Variants in PCDH11Y observed in about 807,000 individuals in gnomAD.
The protein encoded by PCDH11Y is protocadherin 11 Y-linked.
For synonymous variants in PCDH11Y, 9 were observed against 83.6 expected (o/e 0.11, Z 4.87); for missense variants, 12 against 224.8 (o/e 0.05, Z 6.05).
intron 2 of PCDH11Y, among the ~76,000 whole-genome samples, chrY:5,379,481 A>C: frequency 3.3e-5 from 1 of 30,056 alleles, no homozygotes; most frequent in African/African-American, 1.3e-4. Context: ...GAGGACAGGC[A>C]CTCCTGCTTT....
chrY:5,053,505 G>T, upstream of PCDH11Y, among the ~76,000 whole-genome samples: 2 of 30,110 alleles, frequency 6.6e-5, no homozygotes, highest in Non-Finnish European at 1.6e-4. Flanking sequence ...AAGACAGTGT[G>T]GCAATTCCTC....
At chrY:5,695,894 T>G in intron 4 of PCDH11Y, among the ~76,000 whole-genome samples, 2 of 32,412 alleles carry the variant, frequency 6.2e-5, no homozygotes, top group Admixed American at 5.8e-4. Context: ...ATTTAGTTTT[T>G]TACTTAGGAA....
chrY:5,600,998 T>A, intron 4 of PCDH11Y, among the ~76,000 whole-genome samples: 12 of 33,316 alleles, frequency 3.6e-4, no homozygotes, highest in Non-Finnish European at 8.2e-4. Flanking sequence ...GTGATTGAAT[T>A]GGCTTCCAAT....
At chrY:5,413,332 CCTTAT>C (rs2053249534) in intron 2 of PCDH11Y, among the ~76,000 whole-genome samples, 1 of 33,580 alleles carries the variant, frequency 3.0e-5, no homozygotes. Context: ...GGGTGATTAC[CCTTAT>C]CTTGTCTCCT....
intron 2 of PCDH11Y, among the ~76,000 whole-genome samples, chrY:5,385,847 T>C: frequency 3.0e-5 from 1 of 33,536 alleles, no homozygotes; most frequent in Non-Finnish European, 7.4e-5. Flanking sequence ...GCCCACTTTT[T>C]GCTGGGATTT....
intron 3 of PCDH11Y, among the ~76,000 whole-genome samples, chrY:5,566,823 C>T: frequency 9.2e-5 from 3 of 32,468 alleles, no homozygotes; most frequent in Non-Finnish European, 1.5e-4. Context: ...AAATTTCATC[C>T]GAATTAATAT....
chrY:5,377,898 C>T, intron 2 of PCDH11Y, among the ~76,000 whole-genome samples: 1 of 30,701 alleles, frequency 3.3e-5, no homozygotes, highest in Middle Eastern at 0.014. Context: ...TTACAGGCAC[C>T]TGGCTAATTT....
intron 2 of PCDH11Y, among the ~76,000 whole-genome samples, chrY:5,406,508 C>T: frequency 3.1e-5 from 1 of 32,012 alleles, no homozygotes. Flanking sequence ...AAGTCTGCTG[C>T]AGAAAAAAAA....
intron 2 of PCDH11Y, among the ~76,000 whole-genome samples, chrY:5,376,154 T>G: frequency 3.2e-5 from 1 of 31,456 alleles, no homozygotes; most frequent in African/African-American, 1.2e-4. Context: ...TATTTTTATT[T>G]TATTTATCTA....
intron 3 of PCDH11Y, among the ~76,000 whole-genome samples, chrY:5,512,505 T>G (rs1602936348): frequency 9.8e-5 from 3 of 30,667 alleles, no homozygotes; most frequent in African/African-American, 3.9e-4. Context: ...TATAAGATAA[T>G]CATATTCTCA....
chrY:5,294,108 A>C (rs2053070541), intron 2 of PCDH11Y, among the ~76,000 whole-genome samples: 1 of 29,013 alleles, frequency 3.4e-5, no homozygotes, highest in Non-Finnish European at 8.3e-5. Flanking sequence ...TTTGTTATTT[A>C]TTTTCAATTA....
rs201086555 is a variant in PCDH11Y, at chrY:5,575,623, A to G, written c.3329-6152A>G. Among the ~76,000 whole-genome samples, 48 of 33,728 alleles carry G rather than the reference A, an allele frequency of 1.4e-3. No individual in the cohort carries two copies. In the East Asian group the frequency reaches 0.037, roughly 26 times the overall value. 90.5% of individuals were successfully genotyped at this position (33,728 alleles called of 37,273 possible). A position where few individuals can be genotyped will look rare whatever the true frequency, so the allele number is the denominator to read the frequency against. Reference sequence around the variant, plus strand: ...CAATTATATTCTCTCTCTAGATATGATTGAGTTTTATCCCTGTTTTATTTC... The same window carrying G: ...CAATTATATTCTCTCTCTAGATATGGTTGAGTTTTATCCCTGTTTTATTTC... On this transcript the variant is annotated intron_variant, in intron 3 of 4. Transcript: ENST00000400457.
At chrY:5,447,198 G>A (rs2053288504) in intron 2 of PCDH11Y, among the ~76,000 whole-genome samples, 1 of 31,423 alleles carries the variant, frequency 3.2e-5, no homozygotes, top group Admixed American at 3.0e-4. Context: ...TACATGGGAG[G>A]CAACAGAAGG....
intron 2 of PCDH11Y, among the ~76,000 whole-genome samples, chrY:5,213,979 G>A: frequency 6.3e-5 from 2 of 31,987 alleles, no homozygotes; most frequent in African/African-American, 1.2e-4. Context: ...AATTTGCCAG[G>A]TGTGTTGGTG....
chrY:5,266,904 T>C, intron 2 of PCDH11Y, among the ~76,000 whole-genome samples: 1 of 33,228 alleles, frequency 3.0e-5, no homozygotes, highest in African/African-American at 1.2e-4. Context: ...CATGCATAAA[T>C]GTTAATAGAA....
intron 3 of PCDH11Y, among the ~76,000 whole-genome samples, chrY:5,521,751 G>A (rs2124690337): frequency 3.1e-5 from 1 of 32,216 alleles, no homozygotes; most frequent in Admixed American, 2.9e-4. Context: ...CATGTAGAAG[G>A]GGGAAGAAAC....
At chrY:5,400,455 C>A (rs2053231822) in intron 2 of PCDH11Y, among the ~76,000 whole-genome samples, 1 of 34,083 alleles carries the variant, frequency 2.9e-5, no homozygotes, top group African/African-American at 1.1e-4. Context: ...ATCATCATGG[C>A]TAAAGATAAA....
At chrY:5,537,075 A>AT (rs2053401118) in intron 3 of PCDH11Y, among the ~76,000 whole-genome samples, 39 of 29,709 alleles carry the variant, frequency 1.3e-3, no homozygotes, top group African/African-American at 5.2e-3. Context: ...GAACTGGGGG[A>AT]TTTTTTTTTC....
chrY:5,142,456 T>G, intron 2 of PCDH11Y, among the ~76,000 whole-genome samples: 1 of 32,735 alleles, frequency 3.1e-5, no homozygotes, highest in Non-Finnish European at 7.5e-5. Flanking sequence ...GTACTTTTCC[T>G]TGGGCAGTCT....
Sources: gnomAD v4.1 joint callset for allele counts (sites outside exome capture counted in the v4.1 genomes callset) on GRCh38, gnomAD v4.1.1 for gene constraint, MANE v1.5 for transcripts, NCBI Gene and HGNC (gene_info 2026-07-23, HGNC 2026-07-21) for gene names.